The following MACF1 variants were observed in gnomAD, a reference collection of about 807,000 sequenced individuals.
MACF1 encodes the protein microtubule-actin cross-linking factor 1.
A neutral mutation model predicts 854.8 loss-of-function variants in MACF1; 193 were observed. The observed-to-expected ratio is 0.23, with a 90% confidence interval of 0.20 to 0.25. The LOEUF (loss-of-function observed/expected upper bound fraction) is 0.25, where lower values mean the gene tolerates loss of function less well. MACF1 is among the 10% of genes least tolerant of loss of function. The pLI is 1.00. For synonymous variants in MACF1, 3,185 were observed against 3,226.7 expected, an observed-to-expected ratio of 0.99 and a Z score of 0.44; for missense variants, 7,722 against 8,929.1, an observed-to-expected ratio of 0.86 and a Z score of 5.45.
chr1:39,334,800 C>T lies in MACF1; in HGVS notation c.8212C>T (p.Gln2738Ter). 6.2e-7 allele frequency: 1 copy of T among 1,614,074 alleles called. No homozygotes were observed. Among genetic ancestry groups the T allele is most frequent in the Non-Finnish European group, 8.5e-7 (1 of 1,179,986 alleles). Residue 2738 changes from glutamine (Q) to a stop codon, truncating the protein, a stop_gained, in exon 37 of 101, where the codon CAG (glutamine) becomes TAG (stop). Coordinates refer to ENST00000564288, the MANE Select transcript of MACF1 (RefSeq NM_001394062.1). LOFTEE classifies it high-confidence loss of function. ...AGGAATTGTTGACATATTTAGTGAT[C>T]AGAGAGTGACTTTAGTAGAAGCTAT... Reference protein sequence around the residue: ...NGGIVDIFSDQRVTLVEAIEK... With the variant: ...NGGIVDIFSD
At chr1:39,440,514 A>G (rs1373447679) in intron 72 of MACF1, among the ~76,000 whole-genome samples, 3 of 151,744 alleles carry the variant, frequency 2.0e-5, no homozygotes, top group Non-Finnish European at 4.4e-5. Flanking sequence ...TATTTCAGCT[A>G]TTTTTTCATA....
intron 97 of MACF1, among the ~76,000 whole-genome samples, chr1:39,471,698 T>C (rs1644780635): frequency 6.6e-6 from 1 of 152,220 alleles, no homozygotes; most frequent in Non-Finnish European, 1.5e-5. Context: ...AAATAATGGG[T>C]ATACTTGTAC....
chr1:39,338,181 CAGT>C (rs1336607546), intron 38 of MACF1, among the ~76,000 whole-genome samples: 1 of 151,932 alleles, frequency 6.6e-6, no homozygotes, highest in Non-Finnish European at 1.5e-5. Context: ...AGGCTTAAAA[CAGT>C]AGATTAGATA....
At chr1:39,299,287 A>G (rs1645992615) in intron 21 of MACF1, 2 of 455,928 alleles carry the variant, frequency 4.4e-6, no homozygotes, top group South Asian at 3.1e-5. Flanking sequence ...CTTTTTCTTT[A>G]CTTGCATATT....
intron 19 of MACF1, 35 bp downstream of exon 19, chr1:39,295,185 T>TGA (rs1645874412): frequency 1.2e-5 from 19 of 1,528,312 alleles, no homozygotes; most frequent in Admixed American, 1.7e-5. Context: ...GGTCAAATGC[T>TGA]GAGAGGTTGT....
intron 58 of MACF1, chr1:39,412,946 A>C: frequency 6.3e-7 from 1 of 1,599,060 alleles, no homozygotes; most frequent in Non-Finnish European, 8.5e-7. Flanking sequence ...TTAGAGGAGG[A>C]GGATGTCACA....
intron 26 of MACF1, among the ~76,000 whole-genome samples, chr1:39,313,509 CCTT>C (rs1646344122): frequency 6.6e-6 from 1 of 152,040 alleles, no homozygotes; most frequent in Non-Finnish European, 1.5e-5. Context: ...AAAAACCAGG[CCTT>C]CTTTCCTTTT....
intron 20 of MACF1, among the ~76,000 whole-genome samples, chr1:39,296,821 A>G (rs1645924945): frequency 8.1e-6 from 1 of 123,256 alleles, no homozygotes; most frequent in Non-Finnish European, 1.6e-5. Flanking sequence ...AAAGGAAGGA[A>G]GGAAGGAAGG....
Position 39,361,007 on chromosome 1 carries a change from A to T in MACF1, c.12453+6A>T. 1 of 1,612,392 alleles carries T rather than the reference A, an allele frequency of 6.2e-7. No individual in the cohort carries two copies. Among genetic ancestry groups the T allele is most frequent in the Non-Finnish European group, 8.5e-7 (1 of 1,178,422 alleles). The stretch of plus-strand genomic sequence containing the variant: ...AAGCCTTAGCCACAAATATGGTAAG[A>T]TCTGTGTCCCAAGAGCTAGCATAGA... On this transcript the variant is annotated splice_donor_region_variant and intron_variant, in intron 48 of 100. Transcript: ENST00000564288.
rs576150687 is a variant in MACF1, at chr1:39,120,360, G to A, written c.220+35922G>A. The stretch of plus-strand genomic sequence containing the variant: ...ACATATTTTAATTATTTTGATTGTT[G>A]TCTGAGTCTTCCTACTACAAGAGTG... On this transcript the variant is annotated intron_variant, in intron 2 of 93. Transcript: ENST00000361689. 9.9e-5 allele frequency among the ~76,000 whole-genome samples: 15 copies of A among 151,914 alleles called. No individual in the cohort carries two copies. In the South Asian group the frequency reaches 3.1e-3, roughly 32 times the overall value.
At position 39,423,946 on chromosome 1, in the gene MACF1, G is replaced by A. The variant is rs1462537620; in HGVS notation, c.16150-82G>A. On this transcript the variant is annotated intron_variant, in intron 60 of 100. Coordinates refer to ENST00000564288, the MANE Select transcript of MACF1 (RefSeq NM_001394062.1). ...ATGAAGCTTAGGATTTGGCGGGTTGGTTTCTTTTGTTTTTTTTCTTTCTTC... is the reference window on the plus strand; with the variant it reads ...ATGAAGCTTAGGATTTGGCGGGTTGATTTCTTTTGTTTTTTTTCTTTCTTC... 7.8e-6 allele frequency: 10 copies of A among 1,288,014 alleles called. No homozygotes were observed. The East Asian group carries it at 1.2e-4, about 15-fold the overall frequency. 79.8% of individuals were successfully genotyped at this position (1,288,014 alleles called of 1,614,324 possible).
At chr1:39,359,074 T>A in intron 46 of MACF1, 67 bp from the exon 47 acceptor site, 1 of 1,585,880 alleles carries the variant, frequency 6.3e-7, no homozygotes, top group South Asian at 1.1e-5. Flanking sequence ...GTTCAGTAGC[T>A]CCGGATTCCT....
At chr1:39,145,008 T>C (rs6676806) in intron 2 of MACF1, among the ~76,000 whole-genome samples, 2,511 of 152,278 alleles carry the variant, frequency 0.016, 58 homozygotes, top group African/African-American at 0.057. Flanking sequence ...ACAATAGGGC[T>C]CGTACTGGCA....
At chr1:39,306,078 T>A (rs1296755805) in intron 23 of MACF1, among the ~76,000 whole-genome samples, 1 of 152,190 alleles carries the variant, frequency 6.6e-6, no homozygotes, top group East Asian at 1.9e-4. Flanking sequence ...AGGTATTCAA[T>A]AAATGGTTAT....
At chr1:39,286,615 CA>C (rs1645649653) in intron 14 of MACF1, among the ~76,000 whole-genome samples, 1 of 150,660 alleles carries the variant, frequency 6.6e-6, no homozygotes. Flanking sequence ...TACAGGAGTG[CA>C]CCACCATGCC....
chr1:39,121,252 T>A (rs1453558094), intron 2 of MACF1, among the ~76,000 whole-genome samples: 1 of 152,168 alleles, frequency 6.6e-6, no homozygotes, highest in East Asian at 1.9e-4. Flanking sequence ...CCATATCTCC[T>A]TACCAGGTAA....
At chr1:39,190,402 T>G (rs1351762286) in intron 2 of MACF1, among the ~76,000 whole-genome samples, 2 of 93,064 alleles carry the variant, frequency 2.1e-5, no homozygotes, top group African/African-American at 1.6e-4. Context: ...TTTGTTTTTG[T>G]TTTTTTTTTT....
At position 39,379,448 on chromosome 1, in the gene MACF1, C is replaced by T. The variant is rs773349150; in HGVS notation, c.13518+4C>T. 1.1e-5 allele frequency: 18 copies of T among 1,610,588 alleles called. No individual in the cohort carries two copies. In the Admixed American group the frequency reaches 2.2e-4, roughly 20 times the overall value. On this transcript the variant is annotated splice_donor_region_variant and intron_variant, in intron 54 of 100. Transcript: ENST00000564288. ...AGCCCAAGCTGAATCTAACAAGGTACTGTGTTTACATTAGTTGCCTCCCAA... is the reference window on the plus strand; with the variant it reads ...AGCCCAAGCTGAATCTAACAAGGTATTGTGTTTACATTAGTTGCCTCCCAA...
At chr1:39,406,981 C>G (rs1164030369) in intron 58 of MACF1, among the ~76,000 whole-genome samples, 2 of 152,166 alleles carry the variant, frequency 1.3e-5, no homozygotes, top group Non-Finnish European at 2.9e-5. Flanking sequence ...CCTGGATTCC[C>G]TAAACTGTTA....
Sources: allele counts gnomAD v4.1 joint callset (sites outside exome capture counted in the v4.1 genomes callset), GRCh38; gene constraint gnomAD v4.1.1; transcripts MANE v1.5; gene names NCBI Gene and HGNC (gene_info 2026-07-23, HGNC 2026-07-21).